Variants in B4GALNT3 observed in about 807,000 individuals in gnomAD.
The protein encoded by B4GALNT3 is beta-1,4-N-acetyl-galactosaminyltransferase 3.
B4GALNT3 carries 86 observed loss-of-function variants against 120.2 expected under a neutral mutation model. The observed-to-expected ratio is 0.72, with a 90% CI of 0.60 to 0.86. The LOEUF (loss-of-function observed/expected upper bound fraction) is 0.86, where lower values mean the gene tolerates loss of function less well. Among genes scored for constraint, B4GALNT3 ranks in the 40% least tolerant of loss-of-function variants. B4GALNT3 has a pLI of 0.00. For synonymous variants in B4GALNT3, 518 were observed against 510.4 expected, an observed-to-expected ratio of 1.01 and a Z score of -0.20; for missense variants, 1,167 against 1,298.9, an observed-to-expected ratio of 0.90 and a Z score of 1.56.
rs562001769 is a variant in B4GALNT3, at chr12:508,940, G to A, written c.170-26226G>A. ...CACCTTGTGAGGTTGGCAGGACAGC[G>A]TGTGACTCATGCCTGGACAGAGGCG... On this transcript the variant is annotated intron_variant, in intron 1 of 19. Coordinates refer to ENST00000266383, the MANE Select transcript of B4GALNT3 (RefSeq NM_173593.4). 7.2e-5 allele frequency among the ~76,000 whole-genome samples: 11 copies of A among 152,356 alleles called. No homozygotes were observed. In the South Asian group the frequency reaches 1.7e-3, roughly 23 times the overall value.
intron 3 of B4GALNT3, among the ~76,000 whole-genome samples, chr12:543,421 T>C: frequency 7.1e-6 from 1 of 141,302 alleles, no homozygotes; most frequent in South Asian, 2.4e-4. Flanking sequence ...CATGGGGTGC[T>C]CATCTTCCCG....
At position 539,912 on chromosome 12, in the gene B4GALNT3, AAAAAT is replaced by A. The variant is rs199782905; in HGVS notation, c.351+3634_351+3638del. ...GGCAGCGGAGTGAGACCCTGACCTT[AAAAAT>A]AAAATAAAATAAAATAGATCGAGTA... On this transcript the variant is annotated intron_variant, in intron 3 of 19. Coordinates refer to ENST00000266383, the MANE Select transcript of B4GALNT3 (RefSeq NM_173593.4). 4.6e-5 allele frequency among the ~76,000 whole-genome samples: 7 copies of A among 152,168 alleles called. No individual in the cohort carries two copies. In the East Asian group the frequency reaches 9.6e-4, roughly 21 times the overall value.
At position 562,978 on chromosome 12, in the gene B4GALNT3, A is replaced by G. The variant is rs1947247713; in HGVS notation, c.*1527A>G. The G allele has an allele frequency of 2.0e-5, 3 of 152,066 alleles. No individual in the cohort carries two copies. The highest frequency in any genetic ancestry group is 2.9e-5 in the Non-Finnish European group (2 of 68,028). The allele number at this position is 152,066 out of a possible 1,614,324, so 9.4% of individuals were successfully genotyped here. A position where few individuals can be genotyped will look rare whatever the true frequency, so the allele number is the denominator to read the frequency against. Reference sequence around the variant, plus strand: ...CCTAGTGGGCTCTGCATTCCCCGAGAGCACGAGTTTGGCACATGGGAGAAT... The same window carrying G: ...CCTAGTGGGCTCTGCATTCCCCGAGGGCACGAGTTTGGCACATGGGAGAAT... On this transcript the variant is annotated 3_prime_UTR_variant, in exon 20 of 20. Coordinates refer to ENST00000266383, the MANE Select transcript of B4GALNT3 (RefSeq NM_173593.4). This position sits in a 1 kb window ranked among gnomAD's most constrained non-coding sequence, Gnocchi z 5.2.
chr12:473,364 G>C (rs1446065900), intron 1 of B4GALNT3, among the ~76,000 whole-genome samples: 1 of 152,206 alleles, frequency 6.6e-6, no homozygotes, highest in African/African-American at 2.4e-5. Flanking sequence ...GTAGTGAGGT[G>C]GTTACTGCAG....
At position 556,551 on chromosome 12, in the gene B4GALNT3, T is replaced by C; in HGVS notation, c.2065T>C (p.Tyr689His). Residue 689 changes from tyrosine to histidine, a missense_variant, in exon 15 of 20, where the codon TAC becomes CAC. This residue lies in a region of B4GALNT3 where 983 missense variants were observed against 1,102.5 expected (regional missense o/e 0.89). Coordinates refer to ENST00000266383, the MANE Select transcript of B4GALNT3 (RefSeq NM_173593.4). Reference protein sequence around the residue: ...KKLNQRSRGRYQLQRIVNVEK... With the variant: ...KKLNQRSRGRHQLQRIVNVEK... ...TCCCCACACTTTCTGCCATAGGAGG[T>C]ACCAGCTACAGCGCATTGTGAACGT... 1 of 1,610,440 alleles carries C rather than the reference T, an allele frequency of 6.2e-7. No homozygotes were observed. Among genetic ancestry groups the C allele is most frequent in the Non-Finnish European group, 8.5e-7 (1 of 1,177,150 alleles).
chr12:558,808 A>T, intron 18 of B4GALNT3, 147 bp downstream of exon 18: 1 of 864,086 alleles, frequency 1.2e-6, no homozygotes, highest in Non-Finnish European at 1.7e-6. Flanking sequence ...TCCCCGGAAA[A>T]CTCACCAGAC....
chr12:476,435 A>G (rs941465068), intron 1 of B4GALNT3, among the ~76,000 whole-genome samples: 2 of 152,128 alleles, frequency 1.3e-5, no homozygotes, highest in African/African-American at 4.8e-5. Context: ...CTACCAAACA[A>G]TAAAATAAAA....
chr12:557,261 A>G (rs968117119), intron 15 of B4GALNT3, among the ~76,000 whole-genome samples: 1 of 152,152 alleles, frequency 6.6e-6, no homozygotes, highest in African/African-American at 2.4e-5. Flanking sequence ...CAGAGGTAGG[A>G]TGATGGGGAT....
At chr12:541,858 C>T (rs1406832432) in intron 3 of B4GALNT3, among the ~76,000 whole-genome samples, 4 of 128,694 alleles carry the variant, frequency 3.1e-5, no homozygotes, top group African/African-American at 1.1e-4. Context: ...CCCACCCCCC[C>T]CCACCCCCCG....
rs374873091 is a variant in B4GALNT3 at position 467,078 on chromosome 12, CT to C, written c.169+6540del. 1.6e-3 allele frequency among the ~76,000 whole-genome samples: 247 copies of C among 152,028 alleles called. 9 individuals carry two copies. In the South Asian group the frequency reaches 0.048, roughly 30 times the overall value. On this transcript the variant is annotated intron_variant, in intron 1 of 19. Coordinates refer to ENST00000266383, the MANE Select transcript of B4GALNT3 (RefSeq NM_173593.4). The stretch of plus-strand genomic sequence containing the variant: ...AAATGGAATAATACAGATTGTGGTT[CT>C]TTTTTTATTAGCAATTTTTTAAATT...
intron 1 of B4GALNT3, among the ~76,000 whole-genome samples, chr12:488,756 G>C (rs1388015156): frequency 6.6e-6 from 1 of 152,036 alleles, no homozygotes. Context: ...GGAGCCCAAG[G>C]TTGCAGTGAG....
intron 1 of B4GALNT3, among the ~76,000 whole-genome samples, chr12:499,299 T>A (rs1002303755): frequency 6.6e-6 from 1 of 152,282 alleles, no homozygotes; most frequent in Non-Finnish European, 1.5e-5. Flanking sequence ...GAACACATAC[T>A]CTGTGTGAGG....
At chr12:515,960 A>C (rs1946649973) in intron 1 of B4GALNT3, among the ~76,000 whole-genome samples, 1 of 150,188 alleles carries the variant, frequency 6.7e-6, no homozygotes, top group Admixed American at 6.6e-5. Flanking sequence ...ACGTGGTGAA[A>C]CCCCATCTCT....
chr12:461,695 G>A (rs907780736), intron 1 of B4GALNT3, among the ~76,000 whole-genome samples: 1 of 152,226 alleles, frequency 6.6e-6, no homozygotes, highest in Non-Finnish European at 1.5e-5. Context: ...TCTACCCAGA[G>A]TTGGGTGTGG....
At chr12:487,202 A>G (rs1314549535) in intron 1 of B4GALNT3, among the ~76,000 whole-genome samples, 1 of 152,238 alleles carries the variant, frequency 6.6e-6, no homozygotes, top group Non-Finnish European at 1.5e-5. Flanking sequence ...GACAATTACA[A>G]AAGGTGAAAT....
intron 1 of B4GALNT3, among the ~76,000 whole-genome samples, chr12:492,017 C>T (rs1277330259): frequency 6.8e-6 from 1 of 146,126 alleles, no homozygotes; most frequent in Non-Finnish European, 1.5e-5. Context: ...GAGATCATGG[C>T]ACTGCACTCC....
At chr12:518,309 C>G (rs563579324) in intron 1 of B4GALNT3, among the ~76,000 whole-genome samples, 18 of 152,288 alleles carry the variant, frequency 1.2e-4, no homozygotes, top group Admixed American at 6.5e-4. Context: ...TTGGTATCCA[C>G]GACGGATTGA....
In B4GALNT3 at chr12:518,038, T is replaced by C. The variant is rs536518978; in HGVS notation, c.170-17128T>C. ...AACCTCAGTTTTATCGTTAGGAAAA[T>C]GGGGAGAATAGTACCTTACAGGGCT... On this transcript the variant is annotated intron_variant, in intron 1 of 19. Coordinates refer to ENST00000266383, the MANE Select transcript of B4GALNT3 (RefSeq NM_173593.4). Among the ~76,000 whole-genome samples the C allele has an allele frequency of 2.0e-5, 3 of 152,194 alleles. No homozygotes were observed. The South Asian group carries it at 6.2e-4, about 32-fold the overall frequency.
At chr12:537,751 C>T (rs553952888) in intron 3 of B4GALNT3, among the ~76,000 whole-genome samples, 3 of 152,262 alleles carry the variant, frequency 2.0e-5, no homozygotes, top group South Asian at 2.1e-4. Flanking sequence ...CGAGGCCCTG[C>T]GGACACAGAT....
Sources: gnomAD v4.1 joint callset for allele counts (sites outside exome capture counted in the v4.1 genomes callset) on GRCh38, gnomAD v4.1.1 for gene constraint, gnomAD v4.1.1 regional missense constraint, Gnocchi (gnomAD v3.1) non-coding constraint, MANE v1.5 for transcripts, NCBI Gene and HGNC (gene_info 2026-07-23, HGNC 2026-07-21) for gene names.